Variants in MMP15 observed in about 807,000 individuals in gnomAD.
MMP15 encodes matrix metalloproteinase-15.
A neutral mutation model predicts 65.0 loss-of-function variants in MMP15; 36 were observed. The ratio of observed to expected loss-of-function variants is 0.55; its 90% confidence interval spans 0.42 to 0.73. The LOEUF is 0.73. Among genes scored for constraint, MMP15 ranks in the 30% least tolerant of loss-of-function variants. The pLI, the probability that MMP15 is intolerant of heterozygous loss-of-function variation, is 0.00. For missense variants in MMP15, 870 were observed against 987.8 expected (o/e 0.88, Z 1.60); for synonymous variants, 428 against 410.2 (o/e 1.04, Z -0.52).
At chr16:58,032,658 C>G (rs1359669528) in intron 1 of MMP15, among the ~76,000 whole-genome samples, 1 of 152,250 alleles carries the variant, frequency 6.6e-6, no homozygotes, top group African/African-American at 2.4e-5. Flanking sequence ...TCATCCCATT[C>G]AGCACAGGCT....
intron 4 of MMP15, 33 bp from the exon 5 acceptor site, chr16:58,040,504 C>T (rs1350337575): frequency 1.2e-6 from 2 of 1,604,426 alleles, no homozygotes; most frequent in East Asian, 2.2e-5. Flanking sequence ...CTGGCCACAG[C>T]TGACTGTGCT....
chr16:58,032,290 T>TA (rs1283851703), intron 1 of MMP15, among the ~76,000 whole-genome samples: 1 of 152,204 alleles, frequency 6.6e-6, no homozygotes, highest in African/African-American at 2.4e-5. Context: ...TCAGAAAAGT[T>TA]ATCCTAGCCG....
In MMP15 at chr16:58,028,024, T is replaced by C. The variant is rs41359544; in HGVS notation, c.162+1512T>C. Among the ~76,000 whole-genome samples, 1,370 of 152,294 alleles carry C rather than the reference T, an allele frequency of 9.0e-3. 9 individuals carry two copies. Among genetic ancestry groups the C allele is most frequent in the Non-Finnish European group, 8.5e-3 (578 of 68,012 alleles). On this transcript the variant is annotated intron_variant, in intron 1 of 9. Coordinates refer to ENST00000219271, the MANE Select transcript of MMP15 (RefSeq NM_002428.4). ...AGAATTTCAAGTCACAGTCCCACCA[T>C]TGAGTTTCTAATCTACTTAGGGATG...
At chr16:58,033,177 C>T (rs1440856228) in intron 1 of MMP15, among the ~76,000 whole-genome samples, 1 of 152,216 alleles carries the variant, frequency 6.6e-6, no homozygotes, top group Non-Finnish European at 1.5e-5. Context: ...AGCGCCCAGA[C>T]CCGGCCGGAG....
chr16:58,030,443 C>T (rs1348090388), intron 1 of MMP15, among the ~76,000 whole-genome samples: 1 of 152,184 alleles, frequency 6.6e-6, no homozygotes, highest in African/African-American at 2.4e-5. Flanking sequence ...ATGCCTCTTC[C>T]CTAATCCCAT....
rs376562195 is a variant in MMP15 at position 58,040,702 on chromosome 16, C to T, written c.910+4C>T. On this transcript the variant is annotated splice_donor_region_variant and intron_variant, in intron 5 of 9. Transcript: ENST00000219271. ...CGTGGCATCCAGCAGCTCTACGGTG[C>T]GTGGGCTGTGACCAGCGGGCTCTGC... The T allele has an allele frequency of 1.2e-4, 190 of 1,613,898 alleles. No individual in the cohort carries two copies. Among genetic ancestry groups the T allele is most frequent in the African/African-American group, 6.0e-4 (45 of 74,944 alleles).
At chr16:58,041,508 A>G in intron 5 of MMP15, 109 bp from the exon 6 acceptor site, 9 of 1,236,516 alleles carry the variant, frequency 7.3e-6, no homozygotes, top group East Asian at 2.5e-5. Context: ...TCTGCTGTAG[A>G]TGGACAGGAT....
Position 58,043,191 on chromosome 16 carries a change from C to A in MMP15, c.1304-19C>A. Reference sequence around the variant, plus strand: ...CAGCCCCAGGCCTGACCTCACTGTGCCTGCCACCCCTCCTGTAGGTGACCG... The same window carrying A: ...CAGCCCCAGGCCTGACCTCACTGTGACTGCCACCCCTCCTGTAGGTGACCG... On this transcript the variant is annotated intron_variant, in intron 7 of 9. Transcript: ENST00000219271. The A allele has an allele frequency of 6.4e-7, 1 of 1,563,428 alleles. No individual in the cohort carries two copies. The highest frequency in any genetic ancestry group is 8.7e-7 in the Non-Finnish European group (1 of 1,150,886).
intron 2 of MMP15, 43 bp from the exon 3 acceptor site, chr16:58,038,223 G>A (rs772289629): frequency 1.2e-6 from 2 of 1,605,348 alleles, no homozygotes; most frequent in Non-Finnish European, 8.5e-7. Context: ...GCAGGTGTGT[G>A]GAGGGGAGGC....
rs930544720 is a variant in MMP15, at chr16:58,046,198, G to A, written c.*752G>A. On this transcript the variant is annotated 3_prime_UTR_variant, in exon 10 of 10. Transcript: ENST00000219271. Reference sequence around the variant, plus strand: ...CTCTCCCCAGGGAAGCAGCAGCCTCGCCCCTGGCAGAGATGCCTCCCTGAG... The same window carrying A: ...CTCTCCCCAGGGAAGCAGCAGCCTCACCCCTGGCAGAGATGCCTCCCTGAG... The A allele has an allele frequency of 7.2e-5, 11 of 152,818 alleles. No individual in the cohort carries two copies. Among genetic ancestry groups the A allele is most frequent in the Non-Finnish European group, 1.5e-5 (1 of 68,202 alleles). The allele number at this position is 152,818 out of a possible 1,614,324, so 9.5% of individuals were successfully genotyped here. A position where few individuals can be genotyped will look rare whatever the true frequency, so the allele number is the denominator to read the frequency against.
Position 58,025,852 on chromosome 16 carries a change from G to T in MMP15, c.-499G>T, listed in dbSNP as rs1963803327. The T allele has an allele frequency of 6.6e-6, 1 of 151,610 alleles. No homozygotes were observed. The highest frequency in any genetic ancestry group is 2.1e-4 in the South Asian group (1 of 4,832). The allele number at this position is 151,610 out of a possible 1,614,324, so 9.4% of individuals were successfully genotyped here. On this transcript the variant is annotated 5_prime_UTR_variant, in exon 1 of 10. Transcript: ENST00000219271. ...GCTTGCTCTCTCGCTCGCTCTCTCGGGTCGGCTCCCTGCGCCTCCTCCCGG... is the reference window on the plus strand; with the variant it reads ...GCTTGCTCTCTCGCTCGCTCTCTCGTGTCGGCTCCCTGCGCCTCCTCCCGG...
intron 1 of MMP15, 33 bp downstream of exon 1, chr16:58,026,545 C>T: frequency 7.7e-7 from 1 of 1,298,912 alleles, no homozygotes; most frequent in Non-Finnish European, 9.8e-7. Flanking sequence ...TGGCTGCGGG[C>T]TGGGGGCTTG....
chr16:58,044,886 TACTC>T, intron 9 of MMP15, 117 bp from the exon 10 acceptor site: 2 of 1,129,342 alleles, frequency 1.8e-6, no homozygotes, highest in South Asian at 1.5e-5. Flanking sequence ...GATTTGAAAA[TACTC>T]AGGGAAGCAA....
chr16:58,027,490 A>C (rs948206512), intron 1 of MMP15, among the ~76,000 whole-genome samples: 1 of 152,132 alleles, frequency 6.6e-6, no homozygotes, highest in African/African-American at 2.4e-5. Context: ...GGGAGTAGGG[A>C]GAAAGAACCA....
At chr16:58,030,097 C>CT (rs1192860497) in intron 1 of MMP15, among the ~76,000 whole-genome samples, 1 of 152,180 alleles carries the variant, frequency 6.6e-6, no homozygotes. Flanking sequence ...CATCCCAAGG[C>CT]TTAGGTGGCT....
intron 9 of MMP15, among the ~76,000 whole-genome samples, chr16:58,044,571 T>C (rs1959517229): frequency 6.6e-6 from 1 of 152,200 alleles, no homozygotes; most frequent in Non-Finnish European, 1.5e-5. Flanking sequence ...GATGGGATGC[T>C]GGCAAGGTGC....
intron 5 of MMP15, 100 bp downstream of exon 5, chr16:58,040,798 C>T (rs781056024): frequency 3.3e-6 from 5 of 1,528,500 alleles, no homozygotes; most frequent in Non-Finnish European, 4.5e-6. Context: ...GATGAGGAAC[C>T]CAAGGCTCAG....
rs1317057840 is a variant in MMP15, at chr16:58,040,571, G to A, written c.783G>A (p.Leu261=). The A allele has an allele frequency of 2.5e-6, 4 of 1,613,934 alleles. No individual in the cohort carries two copies. The highest frequency in any genetic ancestry group is 3.4e-6 in the Non-Finnish European group (4 of 1,180,032). Residue 261 remains leucine (L), a synonymous_variant, in exon 5 of 10, where the codon CTG becomes CTA. Coordinates refer to ENST00000219271, the MANE Select transcript of MMP15 (RefSeq NM_002428.4). ...TCTTCCTGGTGGCAGTGCATGAGCT[G>A]GGCCACGCGCTGGGGCTGGAGCACT... ...NNLFLVAVHE[L]GHALGLEHSS...
In MMP15 at chr16:58,026,141, C is replaced by T. The variant is rs1963810010; in HGVS notation, c.-210C>T. The T allele has an allele frequency of 2.2e-6, 1 of 453,342 alleles. No homozygotes were observed. The highest frequency in any genetic ancestry group is 3.6e-6 in the Non-Finnish European group (1 of 280,812). The allele number at this position is 453,342 out of a possible 1,614,324, so 28.1% of individuals were successfully genotyped here. A position where few individuals can be genotyped will look rare whatever the true frequency, so the allele number is the denominator to read the frequency against. On this transcript the variant is annotated 5_prime_UTR_variant, in exon 1 of 10. Coordinates refer to ENST00000219271, the MANE Select transcript of MMP15 (RefSeq NM_002428.4). ...CAGCTCCGGTCGGCCCCCTTTCCCG[C>T]CGGCTGGTTCCGAGCTCCCGGACCT...
Sources: allele counts gnomAD v4.1 joint callset (sites outside exome capture counted in the v4.1 genomes callset), GRCh38; gene constraint gnomAD v4.1.1; transcripts MANE v1.5; gene names NCBI Gene and HGNC (gene_info 2026-07-23, HGNC 2026-07-21).